ME1: variants seen among roughly 807,000 people sequenced by gnomAD.
The protein encoded by ME1 is NADP-dependent malic enzyme.
In ME1, 74 loss-of-function variants were observed where a neutral mutation model predicts 66.4. The ratio of observed to expected loss-of-function variants is 1.11; its 90% confidence interval spans 0.92 to 1.35. The LOEUF is 1.35. Among genes scored for constraint, ME1 ranks in the 40% most tolerant of loss-of-function variants. The probability of loss-of-function intolerance (pLI) is 0.00; values close to 1 mark genes in which losing one functional copy is unlikely to be tolerated. For missense variants in ME1, 750 were observed against 694.1 expected (o/e 1.08, Z -0.90); for synonymous variants, 251 against 235.6 (o/e 1.07, Z -0.60).
chr6:83,321,563 A>T (rs1391005564), intron 5 of ME1, among the ~76,000 whole-genome samples: 2 of 152,110 alleles, frequency 1.3e-5, no homozygotes, highest in African/African-American at 4.8e-5. Context: ...AGCCCACCAC[A>T]GCACCACAAA....
intron 7 of ME1, among the ~76,000 whole-genome samples, chr6:83,250,664 T>C (rs1045781131): frequency 2.6e-5 from 4 of 152,188 alleles, no homozygotes; most frequent in African/African-American, 7.2e-5. Context: ...GCCACCATCA[T>C]AGATTTCAGC....
chr6:83,389,423 C>G (rs1181121289), intron 3 of ME1, among the ~76,000 whole-genome samples: 5 of 151,980 alleles, frequency 3.3e-5, no homozygotes, highest in Non-Finnish European at 7.4e-5. Flanking sequence ...TCCCTTTTCT[C>G]TAGAATTTTA....
intron 6 of ME1, among the ~76,000 whole-genome samples, chr6:83,313,752 G>T (rs1767972643): frequency 7.2e-6 from 1 of 138,586 alleles, no homozygotes; most frequent in South Asian, 2.2e-4. Context: ...GAAATTAACT[G>T]TATTATGTGA....
chr6:83,229,057 A>C, intron 9 of ME1, 126 bp from the exon 10 acceptor site: 1 of 660,806 alleles, frequency 1.5e-6, no homozygotes, highest in Non-Finnish European at 2.7e-6. Flanking sequence ...AGCTATTCTT[A>C]AAATCTCTTC....
chr6:83,261,420 A>ATTTTTTTT (rs57450786), intron 6 of ME1, among the ~76,000 whole-genome samples: 13 of 110,870 alleles, frequency 1.2e-4, no homozygotes, highest in South Asian at 2.9e-4. Context: ...TCTGTTGGTA[A>ATTTTTTTT]TTTTTTTTTT....
chr6:83,211,796 AT>A lies in ME1; in HGVS notation c.*127del. Reference sequence around the variant, plus strand: ...AATTTATATCGATATTCTTCTATCAATTTTTAGACTGTTAAAGTAAAATCTT... The same window carrying A: ...AATTTATATCGATATTCTTCTATCAATTTTAGACTGTTAAAGTAAAATCTT... On this transcript the variant is annotated 3_prime_UTR_variant, in exon 14 of 14. Transcript: ENST00000369705. 1.6e-6 allele frequency: 1 copy of A among 618,054 alleles called. No homozygotes were observed. The highest frequency in any genetic ancestry group is 2.5e-6 in the Non-Finnish European group (1 of 407,178). 38.3% of individuals were successfully genotyped at this position (618,054 alleles called of 1,614,324 possible).
intron 3 of ME1, among the ~76,000 whole-genome samples, chr6:83,356,518 G>C (rs182725829): frequency 3.9e-5 from 6 of 152,222 alleles, no homozygotes; most frequent in African/African-American, 1.2e-4. Context: ...ATTATTAAAG[G>C]GGAAAGAAGA....
intron 3 of ME1, among the ~76,000 whole-genome samples, chr6:83,359,196 G>A (rs1359221739): frequency 1.3e-5 from 2 of 151,776 alleles, no homozygotes; most frequent in African/African-American, 4.8e-5. Flanking sequence ...CATCCCAGAC[G>A]ATGCGGGAGC....
At chr6:83,274,487 C>T (rs1490198836) in intron 6 of ME1, among the ~76,000 whole-genome samples, 1 of 152,132 alleles carries the variant, frequency 6.6e-6, no homozygotes, top group African/African-American at 2.4e-5. Flanking sequence ...CAGAAATTTA[C>T]TAAAAAACTT....
At position 83,313,876 on chromosome 6, in the gene ME1, T is replaced by C. The variant is rs114253150; in HGVS notation, c.704+1434A>G. On this transcript the variant is annotated intron_variant, in intron 6 of 13. Coordinates refer to ENST00000369705, the MANE Select transcript of ME1 (RefSeq NM_002395.6). Reference sequence around the variant, plus strand: ...TGTAGTCCATACTAATTGGCAAATGTACCCAGCATTAAAACCTTGAGTAAT... The same window carrying C: ...TGTAGTCCATACTAATTGGCAAATGCACCCAGCATTAAAACCTTGAGTAAT... Among the ~76,000 whole-genome samples the C allele has an allele frequency of 5.7e-3, 874 of 152,314 alleles. 8 individuals are homozygous for C. The highest frequency in any genetic ancestry group is 0.02 in the African/African-American group (835 of 41,588).
rs1167715939 is a variant in ME1, at chr6:83,315,416, A to G, written c.601-3T>C. Reference sequence around the variant, plus strand: ...TAGAGTGGATCTTTAAGTAACTCCTATTAAAAAAAGTTACCATAAAAATAG... The same window carrying G: ...TAGAGTGGATCTTTAAGTAACTCCTGTTAAAAAAAGTTACCATAAAAATAG... On this transcript the variant is annotated splice_region_variant and splice_polypyrimidine_tract_variant and intron_variant, in intron 5 of 13. Transcript: ENST00000369705. 2.0e-6 allele frequency: 3 copies of G among 1,531,858 alleles called. No individual in the cohort carries two copies. Among genetic ancestry groups the G allele is most frequent in the African/African-American group, 1.4e-5 (1 of 72,204 alleles). The allele number at this position is 1,531,858 out of a possible 1,614,324, so 94.9% of individuals were successfully genotyped here.
chr6:83,316,907 TGAAA>T (rs1465572531), intron 5 of ME1, among the ~76,000 whole-genome samples: 1 of 151,318 alleles, frequency 6.6e-6, no homozygotes, highest in Non-Finnish European at 1.5e-5. Context: ...AAAATATTGC[TGAAA>T]GAAACTCAAA....
At chr6:83,252,397 G>A in intron 7 of ME1, among the ~76,000 whole-genome samples, 1 of 151,920 alleles carries the variant, frequency 6.6e-6, no homozygotes, top group East Asian at 1.9e-4. Flanking sequence ...GGGCTCAAGG[G>A]ATTCAATCCT....
Position 83,327,076 on chromosome 6 carries a change from G to A in ME1, c.601-11663C>T, listed in dbSNP as rs572190124. Among the ~76,000 whole-genome samples the A allele has an allele frequency of 1.6e-3, 238 of 152,240 alleles. 2 individuals are homozygous for A. The highest frequency in any genetic ancestry group is 5.2e-3 in the African/African-American group (215 of 41,530). ...AAACACAAATTGTAAAGATTTCATG[G>A]ACACTTATCACTTCCCCAATCAATA... On this transcript the variant is annotated intron_variant, in intron 5 of 13. Coordinates refer to ENST00000369705, the MANE Select transcript of ME1 (RefSeq NM_002395.6).
At chr6:83,212,287 G>A (rs752779112) in intron 13 of ME1, among the ~76,000 whole-genome samples, 193 bp from the exon 14 acceptor site, 2 of 152,166 alleles carry the variant, frequency 1.3e-5, no homozygotes, top group African/African-American at 4.8e-5. Context: ...TATAGTGAGA[G>A]AGAAAAATGA....
At chr6:83,273,897 TAAAAGTATCCTACTTTTACAGTGTAA>T (rs1280418039) in intron 6 of ME1, among the ~76,000 whole-genome samples, 1 of 152,210 alleles carries the variant, frequency 6.6e-6, no homozygotes, top group Non-Finnish European at 1.5e-5. Flanking sequence ...CTCCTTCATG[TAAAAGTATCCTACTTTTACAGTGTAA>T]AAGTGAGTTT....
At chr6:83,359,726 C>A (rs183365094) in intron 3 of ME1, among the ~76,000 whole-genome samples, 1 of 152,124 alleles carries the variant, frequency 6.6e-6, no homozygotes, top group Non-Finnish European at 1.5e-5. Context: ...AGGGTGGGTC[C>A]AGAAGATATA....
intron 6 of ME1, among the ~76,000 whole-genome samples, chr6:83,302,254 G>T (rs1767738506): frequency 6.6e-6 from 1 of 151,926 alleles, no homozygotes; most frequent in Non-Finnish European, 1.5e-5. Context: ...TAAATAATAA[G>T]AACATGTGAA....
chr6:83,243,823 AATATAAT>A (rs995528901), intron 7 of ME1, among the ~76,000 whole-genome samples: 2 of 133,572 alleles, frequency 1.5e-5, no homozygotes, highest in Non-Finnish European at 3.1e-5. Flanking sequence ...ATATTTATAT[AATATAAT>A]ATATAATATA....
Sources: allele counts gnomAD v4.1 joint callset (sites outside exome capture counted in the v4.1 genomes callset), GRCh38; gene constraint gnomAD v4.1.1; transcripts MANE v1.5; gene names NCBI Gene and HGNC (gene_info 2026-07-23, HGNC 2026-07-21).